PDE2A: variants seen among roughly 807,000 people sequenced by gnomAD.
PDE2A encodes the protein cGMP-dependent 3',5'-cyclic phosphodiesterase.
PDE2A carries 53 observed loss-of-function variants against 133.6 expected under a neutral mutation model. The ratio of observed to expected loss-of-function variants is 0.40; its 90% confidence interval spans 0.32 to 0.50. The LOEUF (loss-of-function observed/expected upper bound fraction) is 0.50, where lower values mean the gene tolerates loss of function less well. Among genes scored for constraint, PDE2A ranks in the 20% least tolerant of loss-of-function variants. PDE2A has a pLI of 0.73. For synonymous variants in PDE2A, 491 were observed against 490.2 expected (o/e 1.00, Z -0.02); for missense variants, 796 against 1,232.4 (o/e 0.65, Z 5.30).
At chr11:72,668,572 C>A in intron 1 of PDE2A, 1 of 670,092 alleles carries the variant, frequency 1.5e-6, no homozygotes, top group East Asian at 2.7e-5. Flanking sequence ...CAGCCCAGCA[C>A]CCACCAGGGC....
In PDE2A at chr11:72,577,535, C is replaced by T. The variant is rs1458590398; in HGVS notation, c.2675G>A (p.Arg892His). The T allele has an allele frequency of 1.2e-6, 2 of 1,611,566 alleles. No individual in the cohort carries two copies. Among genetic ancestry groups the T allele is most frequent in the Non-Finnish European group, 1.7e-6 (2 of 1,179,994 alleles). Residue 892 changes from arginine (R) to histidine (H), a missense_variant, in exon 31 of 31, where the codon CGT becomes CAT. Physicochemically the swap from Arg to His is conservative, Grantham distance 29. Transcript: ENST00000334456. ...AELYERVASN[R>H]EHWTKVSHKF... is the part of the protein sequence containing the mutation. The stretch of plus-strand genomic sequence containing the variant: ...GTGGGACACCTTGGTCCAGTGCTCA[C>T]GGTTGGAGGCCACGCGCTCGTACAG...
At chr11:72,589,673 C>G (rs547540163) in intron 11 of PDE2A, 78 bp downstream of exon 11, 413 of 1,229,380 alleles carry the variant, frequency 3.4e-4, no homozygotes, top group Non-Finnish European at 4.8e-4. Flanking sequence ...TCCAAATACT[C>G]CAGGCAGATC....
At chr11:72,589,263 G>A in intron 11 of PDE2A, 23 bp from the exon 12 acceptor site, 1 of 1,591,492 alleles carries the variant, frequency 6.3e-7, no homozygotes, top group Non-Finnish European at 8.6e-7. Context: ...GAGAGACTGA[G>A]TCAGGGCCCA....
In PDE2A at chr11:72,598,979, G is replaced by A. The variant is rs549992359; in HGVS notation, c.324-1360C>T. ...GGACGTAGGGTGGCAGGAGGGCAAC[G>A]GGAGCCACGTTTCCTGATGATTAAA... On this transcript the variant is annotated intron_variant, in intron 4 of 30. Coordinates refer to ENST00000334456, the MANE Select transcript of PDE2A (RefSeq NM_002599.5). 11 of 985,374 alleles carry A rather than the reference G, an allele frequency of 1.1e-5. No individual in the cohort carries two copies. The East Asian group carries it at 5.7e-4, about 51-fold the overall frequency. The allele number at this position is 985,374 out of a possible 1,614,324, so 61.0% of individuals were successfully genotyped here. A position where few individuals can be genotyped will look rare whatever the true frequency, so the allele number is the denominator to read the frequency against.
intron 1 of PDE2A, among the ~76,000 whole-genome samples, chr11:72,667,091 GT>G (rs1855258007): frequency 6.6e-6 from 1 of 152,240 alleles, no homozygotes; most frequent in East Asian, 1.9e-4. Flanking sequence ...GGGTGAGAGT[GT>G]GAGACCCTGT....
At chr11:72,638,964 C>G (rs933590904) in intron 2 of PDE2A, among the ~76,000 whole-genome samples, 1 of 152,182 alleles carries the variant, frequency 6.6e-6, no homozygotes, top group Non-Finnish European at 1.5e-5. Context: ...CCCAACACCC[C>G]CTTCAAGGTC....
At chr11:72,579,676 A>G in intron 25 of PDE2A, 68 bp from the exon 26 acceptor site, 1 of 1,122,844 alleles carries the variant, frequency 8.9e-7, no homozygotes, top group Admixed American at 1.9e-5. Flanking sequence ...ACCCCAAGAG[A>G]GGAAGCAGGG....
chr11:72,659,114 C>T (rs1034046018), intron 1 of PDE2A, among the ~76,000 whole-genome samples: 3 of 151,924 alleles, frequency 2.0e-5, no homozygotes, highest in African/African-American at 7.3e-5. Flanking sequence ...GATAAAGGAA[C>T]CTGCCCAAGC....
chr11:72,630,898 G>T (rs1380306365), intron 2 of PDE2A, among the ~76,000 whole-genome samples: 1 of 152,004 alleles, frequency 6.6e-6, no homozygotes, highest in Non-Finnish European at 1.5e-5. Flanking sequence ...CCAGGCTGGG[G>T]ATATATAGGG....
Position 72,657,982 on chromosome 11 carries a change from G to C in PDE2A, c.72-15656C>G, listed in dbSNP as rs1380226238. ...CACAGGAGCTGAGGAGGGGTGGAGG[G>C]AAGAGGGAGGGAGTTCATATGTTGT... On this transcript the variant is annotated intron_variant, in intron 1 of 30. Transcript: ENST00000334456. The C allele has an allele frequency of 6.6e-6, 3 of 456,196 alleles. No individual in the cohort carries two copies. The East Asian group carries it at 2.1e-4, about 32-fold the overall frequency. The allele number at this position is 456,196 out of a possible 1,614,324, so 28.3% of individuals were successfully genotyped here.
intron 6 of PDE2A, among the ~76,000 whole-genome samples, chr11:72,595,035 G>GACACACACAC (rs34720227): frequency 8.7e-5 from 13 of 148,658 alleles, no homozygotes; most frequent in African/African-American, 1.5e-4. Flanking sequence ...GCGTCCCTGA[G>GACACACACAC]ACACACACAC....
At chr11:72,585,617 A>T in intron 14 of PDE2A, 24 bp from the exon 15 acceptor site, 1 of 1,612,030 alleles carries the variant, frequency 6.2e-7, no homozygotes, top group East Asian at 2.2e-5. Context: ...AATGGAGATC[A>T]TAGGGGGGTC....
intron 1 of PDE2A, among the ~76,000 whole-genome samples, chr11:72,673,051 A>G (rs574513495): frequency 1.2e-4 from 18 of 152,108 alleles, no homozygotes; most frequent in South Asian, 6.2e-4. Context: ...CACCCACACC[A>G]GAATACTTAT....
At chr11:72,630,505 C>T (rs977263588) in intron 2 of PDE2A, among the ~76,000 whole-genome samples, 3 of 150,578 alleles carry the variant, frequency 2.0e-5, no homozygotes, top group East Asian at 4.0e-4. Flanking sequence ...GGGGAAGAGG[C>T]CAGCAGGAGC....
intron 6 of PDE2A, among the ~76,000 whole-genome samples, chr11:72,595,872 G>A (rs1035219026): frequency 5.3e-5 from 8 of 152,118 alleles, no homozygotes; most frequent in Admixed American, 3.9e-4. Context: ...TCCCCTCCAC[G>A]GAGCAGAAAC....
At chr11:72,666,036 A>G (rs138544036) in intron 1 of PDE2A, among the ~76,000 whole-genome samples, 49 of 152,228 alleles carry the variant, frequency 3.2e-4, no homozygotes, top group African/African-American at 1.1e-3. Flanking sequence ...TGCTCCATGG[A>G]ACAGTCGACT....
chr11:72,610,137 A>C (rs1394607268), intron 2 of PDE2A, among the ~76,000 whole-genome samples: 1 of 152,170 alleles, frequency 6.6e-6, no homozygotes, highest in Non-Finnish European at 1.5e-5. Flanking sequence ...GGGATGCCTC[A>C]TCTAAAGCAG....
chr11:72,582,082 A>C (rs1184419701), intron 21 of PDE2A, 135 bp from the exon 22 acceptor site: 12 of 715,444 alleles, frequency 1.7e-5, no homozygotes, highest in East Asian at 8.1e-5. Flanking sequence ...ACCACAAAAT[A>C]GTTGAAGCAA....
chr11:72,663,382 G>A (rs1855130773), intron 1 of PDE2A, among the ~76,000 whole-genome samples: 1 of 152,236 alleles, frequency 6.6e-6, no homozygotes, highest in Non-Finnish European at 1.5e-5. Context: ...CTCAGCCAGA[G>A]AGTAGATAAT....
Sources: allele counts gnomAD v4.1 joint callset (sites outside exome capture counted in the v4.1 genomes callset), GRCh38; gene constraint gnomAD v4.1.1; transcripts MANE v1.5; gene names NCBI Gene and HGNC (gene_info 2026-07-23, HGNC 2026-07-21).